The following VSNL1 variants were observed in gnomAD, a reference collection of about 807,000 sequenced individuals.
VSNL1 encodes the protein visinin like 1.
VSNL1 carries 6 observed loss-of-function variants against 20.4 expected under a neutral mutation model. The ratio of observed to expected loss-of-function variants is 0.29; its 90% CI spans 0.16 to 0.58. The LOEUF is 0.58. VSNL1 is among the 20% of genes least tolerant of loss of function. VSNL1 has a pLI of 0.90. For missense variants in VSNL1, 100 were observed against 234.5 expected (o/e 0.43, Z 3.75); for synonymous variants, 93 against 86.4 (o/e 1.08, Z -0.42).
At position 17,632,957 on chromosome 2, in the gene VSNL1, C is replaced by A. The variant is rs141130410; in HGVS notation, c.163-16453C>A. ...TCACTTGAAGCTGGGAGTTCAAGACCACTCTGACCAATATGGTGAAACCCT... is the reference window on the plus strand; with the variant it reads ...TCACTTGAAGCTGGGAGTTCAAGACAACTCTGACCAATATGGTGAAACCCT... On this transcript the variant is annotated intron_variant, in intron 2 of 3. Transcript: ENST00000295156. 2.6e-5 allele frequency among the ~76,000 whole-genome samples: 4 copies of A among 152,286 alleles called. No homozygotes were observed. The East Asian group carries it at 7.7e-4, about 29-fold the overall frequency.
At chr2:17,642,922 G>T (rs763790089) in intron 2 of VSNL1, among the ~76,000 whole-genome samples, 8 of 152,008 alleles carry the variant, frequency 5.3e-5, no homozygotes, top group African/African-American at 7.2e-5. Context: ...AAGCAGTGAT[G>T]ATAGAAAATG....
chr2:17,570,049 A>G (rs750671664), intron 1 of VSNL1, among the ~76,000 whole-genome samples: 11 of 152,236 alleles, frequency 7.2e-5, no homozygotes, highest in Non-Finnish European at 1.0e-4. Context: ...GCATAATGTA[A>G]AGGAGACATT....
chr2:17,614,509 T>C (rs1335674193), intron 2 of VSNL1, among the ~76,000 whole-genome samples: 3 of 152,178 alleles, frequency 2.0e-5, no homozygotes, highest in African/African-American at 7.2e-5. Context: ...ACATGGCACT[T>C]CCTTTGGTTT....
chr2:17,625,503 C>A (rs1393201102), intron 2 of VSNL1, among the ~76,000 whole-genome samples: 13 of 152,184 alleles, frequency 8.5e-5, no homozygotes, highest in Admixed American at 8.5e-4. Flanking sequence ...TGGCAAGATT[C>A]CCTAAATTAG....
At chr2:17,616,239 C>T (rs1665213866) in intron 2 of VSNL1, among the ~76,000 whole-genome samples, 1 of 152,230 alleles carries the variant, frequency 6.6e-6, no homozygotes, top group Non-Finnish European at 1.5e-5. Flanking sequence ...CCTTGGGAGG[C>T]TGTGGTGACA....
intron 2 of VSNL1, among the ~76,000 whole-genome samples, chr2:17,616,865 G>C (rs1261513434): frequency 2.0e-5 from 3 of 152,278 alleles, no homozygotes; most frequent in Non-Finnish European, 4.4e-5. Context: ...CAGGCCTCAG[G>C]GGGTGAGCTG....
At chr2:17,626,906 G>A (rs1404335796) in intron 2 of VSNL1, among the ~76,000 whole-genome samples, 1 of 152,220 alleles carries the variant, frequency 6.6e-6, no homozygotes, top group Non-Finnish European at 1.5e-5. Context: ...GCCTGACCAT[G>A]GCCATAGCCT....
chr2:17,551,006 T>G (rs528330507), intron 1 of VSNL1, among the ~76,000 whole-genome samples: 1 of 152,196 alleles, frequency 6.6e-6, no homozygotes, highest in African/African-American at 2.4e-5. Flanking sequence ...GCTGTACCAC[T>G]GAGGCCAGCA....
chr2:17,599,519 C>CTTG (rs767148103), intron 2 of VSNL1, among the ~76,000 whole-genome samples: 56 of 152,310 alleles, frequency 3.7e-4, no homozygotes, highest in South Asian at 1.2e-3. Context: ...AGATCAACAA[C>CTTG]CTGAAAACAA....
At chr2:17,633,861 C>T (rs1178331602) in intron 2 of VSNL1, among the ~76,000 whole-genome samples, 1 of 152,058 alleles carries the variant, frequency 6.6e-6, no homozygotes, top group Non-Finnish European at 1.5e-5. Flanking sequence ...AGACAAGGGG[C>T]TCAGAGAAGT....
intron 2 of VSNL1, among the ~76,000 whole-genome samples, chr2:17,640,968 T>A (rs1156585416): frequency 6.6e-6 from 1 of 152,250 alleles, no homozygotes; most frequent in Non-Finnish European, 1.5e-5. Flanking sequence ...GTGTTCAACT[T>A]CTGCAGATAG....
rs1236014838 is a variant in VSNL1 at position 17,656,839 on chromosome 2, G to A, written c.*1445G>A. The A allele has an allele frequency of 6.6e-6, 1 of 152,200 alleles. No individual in the cohort carries two copies. Among genetic ancestry groups the A allele is most frequent in the Non-Finnish European group, 1.5e-5 (1 of 68,036 alleles). 9.4% of individuals were successfully genotyped at this position (152,200 alleles called of 1,614,324 possible). A position where few individuals can be genotyped will look rare whatever the true frequency, so the allele number is the denominator to read the frequency against. On this transcript the variant is annotated 3_prime_UTR_variant, in exon 4 of 4. Coordinates refer to ENST00000295156, the MANE Select transcript of VSNL1 (RefSeq NM_003385.5). ...GTATGGCTAGCGTGACTAAGGAACT[G>A]AATTTTATACTGTAATTAAGTGTAA... is the stretch of plus-strand genomic sequence containing the variant.
chr2:17,570,438 T>A (rs1407814339), intron 1 of VSNL1, among the ~76,000 whole-genome samples: 1 of 152,154 alleles, frequency 6.6e-6, no homozygotes, highest in Non-Finnish European at 1.5e-5. Context: ...ACCTGAAAAT[T>A]TAAATATTAA....
intron 2 of VSNL1, among the ~76,000 whole-genome samples, chr2:17,597,108 CT>C (rs1471115457): frequency 1.3e-5 from 2 of 152,172 alleles, no homozygotes; most frequent in Admixed American, 1.3e-4. Flanking sequence ...ATAGTGATGT[CT>C]ACCGTGTATT....
intron 2 of VSNL1, among the ~76,000 whole-genome samples, chr2:17,596,525 C>G (rs1013157455): frequency 2.0e-5 from 3 of 152,054 alleles, no homozygotes; most frequent in Non-Finnish European, 2.9e-5. Context: ...TGTCTCCATC[C>G]CAGGGTCCTC....
intron 1 of VSNL1, among the ~76,000 whole-genome samples, chr2:17,588,208 G>T (rs1024532605): frequency 6.6e-6 from 1 of 152,156 alleles, no homozygotes; most frequent in African/African-American, 2.4e-5. Flanking sequence ...AATGCTGATG[G>T]GTTCTCAGGT....
intron 1 of VSNL1, among the ~76,000 whole-genome samples, chr2:17,551,188 A>G (rs1663526212): frequency 6.6e-6 from 1 of 152,038 alleles, no homozygotes; most frequent in African/African-American, 2.4e-5. Context: ...GTCAAATAAG[A>G]CCTTGTCCAT....
At chr2:17,567,967 A>C (rs929258245) in intron 1 of VSNL1, among the ~76,000 whole-genome samples, 5 of 152,058 alleles carry the variant, frequency 3.3e-5, no homozygotes, top group African/African-American at 1.2e-4. Context: ...TAGGTATTTT[A>C]CCTCTCTTTT....
At chr2:17,627,034 C>T (rs1325338821) in intron 2 of VSNL1, among the ~76,000 whole-genome samples, 1 of 152,176 alleles carries the variant, frequency 6.6e-6, no homozygotes, top group Non-Finnish European at 1.5e-5. Flanking sequence ...TGGACTATCC[C>T]AGCAGTTTCA....
Sources: gnomAD v4.1 joint callset for allele counts (sites outside exome capture counted in the v4.1 genomes callset) on GRCh38, gnomAD v4.1.1 for gene constraint, MANE v1.5 for transcripts, NCBI Gene and HGNC (gene_info 2026-07-23, HGNC 2026-07-21) for gene names.